The following TUT4 variants were observed in gnomAD, a reference collection of about 807,000 sequenced individuals.
TUT4 encodes the protein terminal uridylyl transferase 4.
Under a neutral mutation model 192.2 loss-of-function variants are expected in TUT4, and 36 were observed. The observed-to-expected ratio is 0.19, with a 90% CI of 0.14 to 0.25. TUT4 has a LOEUF of 0.25. Among genes scored for constraint, TUT4 ranks in the 10% least tolerant of loss-of-function variants. The probability of loss-of-function intolerance (pLI) is 1.00; values close to 1 mark genes in which losing one functional copy is unlikely to be tolerated. For synonymous variants in TUT4, 618 were observed against 666.0 expected (o/e 0.93, Z 1.11); for missense variants, 1,493 against 1,957.2 (o/e 0.76, Z 4.47).
intron 3 of TUT4, among the ~76,000 whole-genome samples, chr1:52,514,063 T>C (rs1678013824): frequency 6.6e-6 from 1 of 152,200 alleles, no homozygotes; most frequent in East Asian, 1.9e-4. Context: ...GTTCCAGTGA[T>C]AGAGATTTAT....
chr1:52,516,067 GC>G lies in TUT4; in HGVS notation c.719-14del. 1 of 1,608,584 alleles carries G rather than the reference GC, an allele frequency of 6.2e-7. No homozygotes were observed. The highest frequency in any genetic ancestry group is 8.5e-7 in the Non-Finnish European group (1 of 1,176,336). On this transcript the variant is annotated splice_polypyrimidine_tract_variant and intron_variant, in intron 2 of 29. Coordinates refer to ENST00000257177, the MANE Select transcript of TUT4 (RefSeq NM_001009881.3). ...TTCTTCATTTTACCTAGAAAAGAAA[GC>G]AATCACTCAGTTATCATCAGAACTG...
rs765694523 is a variant in TUT4, at chr1:52,526,123, T to C, written c.158A>G (p.Asn53Ser). ...KEIENSSPNR[N>S]SSKKNKQNDI... ...ATTTTGCTTATTTTTTTTACTACTATTCCTATTTGGAGAGCTGTTCTCAAT... is the reference window on the plus strand; with the variant it reads ...ATTTTGCTTATTTTTTTTACTACTACTCCTATTTGGAGAGCTGTTCTCAAT... The change falls in exon 2 of 30, where the codon AAT (asparagine) becomes AGT (serine). Residue 53 changes from asparagine (N) to serine (S), a missense_variant. Physicochemically the swap from Asn to Ser is conservative, Grantham distance 46. Around this residue, in one of 7 missense-constraint regions of TUT4, gnomAD observed 260 missense variants for 247.8 expected, o/e 1.05. Transcript: ENST00000257177. 3 of 1,610,834 alleles carry C rather than the reference T, an allele frequency of 1.9e-6. No individual in the cohort carries two copies. The highest frequency in any genetic ancestry group is 2.2e-5 in the East Asian group (1 of 44,874).
In TUT4 at chr1:52,509,758, G is replaced by A. The variant is rs200981951; in HGVS notation, c.883-46C>T. 19 of 1,090,966 alleles carry A rather than the reference G, an allele frequency of 1.7e-5. No individual in the cohort carries two copies. In the Admixed American group the frequency reaches 2.2e-4, roughly 13 times the overall value. The allele number at this position is 1,090,966 out of a possible 1,614,324, so 67.6% of individuals were successfully genotyped here. A position where few individuals can be genotyped will look rare whatever the true frequency, so the allele number is the denominator to read the frequency against. ...AATGCACTTTATTCAGAAAACAGAG[G>A]AGTAAACTATTGACTATATAAGTGA... On this transcript the variant is annotated intron_variant, in intron 3 of 29. Coordinates refer to ENST00000257177, the MANE Select transcript of TUT4 (RefSeq NM_001009881.3).
In TUT4 at chr1:52,509,688, G is replaced by A. The variant is rs138715096; in HGVS notation, c.907C>T (p.Arg303Trp). 34 of 1,609,544 alleles carry A rather than the reference G, an allele frequency of 2.1e-5. No individual in the cohort carries two copies. The highest frequency in any genetic ancestry group is 5.3e-5 in the African/African-American group (4 of 74,768). ...EKRSPEYTNC[R>W]YLCKLCLIHI... is the part of the protein sequence containing the mutation. ...ATTAAGCAAAGTTTGCATAGATACC[G>A]ACAATTGGTATATTCTGGTGATCGC... Residue 303 changes from arginine to tryptophan, a missense_variant, in exon 4 of 30, where the codon CGG becomes TGG. Arg to Trp is a moderately radical substitution (Grantham distance 101). Transcript: ENST00000257177.
At chr1:52,458,837 TAAG>T (rs2148659698) in intron 19 of TUT4, among the ~76,000 whole-genome samples, 1 of 152,324 alleles carries the variant, frequency 6.6e-6, no homozygotes, top group South Asian at 2.1e-4. Context: ...AATCCTATTC[TAAG>T]AATGTACCCT....
rs541428395 is a variant in TUT4 at position 52,500,998 on chromosome 1, T to C, written c.1000-3815A>G. On this transcript the variant is annotated intron_variant, in intron 4 of 29. Coordinates refer to ENST00000257177, the MANE Select transcript of TUT4 (RefSeq NM_001009881.3). ...ACCGTAACTAAGAAATGTAAAATCA[T>C]AGAACTCCTAGAAAAAAACAGAAGG... Among the ~76,000 whole-genome samples the C allele has an allele frequency of 4.6e-5, 7 of 152,218 alleles. No individual in the cohort carries two copies. The East Asian group carries it at 1.2e-3, about 25-fold the overall frequency.
intron 1 of TUT4, among the ~76,000 whole-genome samples, chr1:52,548,628 C>T (rs1688665701): frequency 6.6e-6 from 1 of 152,172 alleles, no homozygotes; most frequent in South Asian, 2.1e-4. Context: ...GTTTTGAAGA[C>T]TAAGTTAACA....
intron 4 of TUT4, among the ~76,000 whole-genome samples, chr1:52,497,493 G>A (rs1453970636): frequency 1.3e-5 from 2 of 152,188 alleles, no homozygotes; most frequent in South Asian, 2.1e-4. Context: ...CTAACTTGAC[G>A]ATTTTGTTGC....
In TUT4 at chr1:52,431,634, C is replaced by T. The variant is rs1652100341; in HGVS notation, c.4264-174G>A. On this transcript the variant is annotated intron_variant, in intron 27 of 29. Coordinates refer to ENST00000257177, the MANE Select transcript of TUT4 (RefSeq NM_001009881.3). ...AACCCCCTTTTCAAGTAGGTATTGC[C>T]TCACAAATCGTTTTATTGTCCAAAG... 6 of 467,554 alleles carry T rather than the reference C, an allele frequency of 1.3e-5. No individual in the cohort carries two copies. In the South Asian group the frequency reaches 3.5e-4, roughly 27 times the overall value. The allele number at this position is 467,554 out of a possible 1,614,324, so 29.0% of individuals were successfully genotyped here.
chr1:52,440,090 G>A (rs1006014236), intron 24 of TUT4, among the ~76,000 whole-genome samples: 1 of 152,188 alleles, frequency 6.6e-6, no homozygotes, highest in Non-Finnish European at 1.5e-5. Context: ...GAGACAAAAA[G>A]TGGATTAGTG....
At chr1:52,492,505 T>G (rs1671429519) in intron 7 of TUT4, among the ~76,000 whole-genome samples, 1 of 152,026 alleles carries the variant, frequency 6.6e-6, no homozygotes, top group South Asian at 2.1e-4. Context: ...TTACAACAAC[T>G]TTCTCATCAA....
In TUT4 at chr1:52,495,463, A is replaced by G; in HGVS notation, c.1230T>C (p.Ser410=). Reference sequence around the variant, plus strand: ...ATTTTATATCTATATTAACATCACTACTTTTCAGAGCAAATCTAGTCAGAG... The same window carrying G: ...ATTTTATATCTATATTAACATCACTGCTTTTCAGAGCAAATCTAGTCAGAG... The part of the protein sequence containing the change: ...GSSLTRFALK[S]SDVNIDIKFP... Residue 410 remains serine (S), a synonymous_variant, in exon 6 of 30, where the codon AGT becomes AGC. Coordinates refer to ENST00000257177, the MANE Select transcript of TUT4 (RefSeq NM_001009881.3). 6.2e-7 allele frequency: 1 copy of G among 1,611,408 alleles called. No individual in the cohort carries two copies. The highest frequency in any genetic ancestry group is 8.5e-7 in the Non-Finnish European group (1 of 1,178,440).
intron 1 of TUT4, among the ~76,000 whole-genome samples, chr1:52,536,679 C>A (rs754716786): frequency 4.3e-4 from 65 of 151,366 alleles, no homozygotes; most frequent in Non-Finnish European, 7.2e-4. Flanking sequence ...ATGGTGAAAC[C>A]CTGTCTCTAC....
At chr1:52,547,951 ACT>A (rs1688502243) in intron 1 of TUT4, among the ~76,000 whole-genome samples, 1 of 152,186 alleles carries the variant, frequency 6.6e-6, no homozygotes, top group Non-Finnish European at 1.5e-5. Context: ...TTATAAATAT[ACT>A]AAAAGCCACT....
intron 1 of TUT4, among the ~76,000 whole-genome samples, chr1:52,547,700 G>A (rs879306363): frequency 6.6e-6 from 1 of 152,142 alleles, no homozygotes; most frequent in Non-Finnish European, 1.5e-5. Context: ...CCAGAAAAAA[G>A]CTAAAACATG....
chr1:52,433,672 A>G (rs1318887080), intron 27 of TUT4: 1 of 152,210 alleles, frequency 6.6e-6, no homozygotes, highest in Non-Finnish European at 1.5e-5. Context: ...TGGTTAGAGC[A>G]TAAGTTTTGC....
At chr1:52,505,428 T>TTC (rs1675268353) in intron 4 of TUT4, among the ~76,000 whole-genome samples, 2 of 149,124 alleles carry the variant, frequency 1.3e-5, no homozygotes, top group South Asian at 4.3e-4. Context: ...CTTTTTTTTT[T>TTC]TTTTTTTTTT....
At chr1:52,484,277 TA>T (rs946278823) in intron 9 of TUT4, among the ~76,000 whole-genome samples, 1 of 152,040 alleles carries the variant, frequency 6.6e-6, no homozygotes, top group Non-Finnish European at 1.5e-5. Flanking sequence ...AAATACAAAT[TA>T]AAAAATACAG....
chr1:52,455,390 T>C (rs979251556), intron 20 of TUT4, among the ~76,000 whole-genome samples: 23 of 152,030 alleles, frequency 1.5e-4, no homozygotes, highest in South Asian at 1.0e-3. Context: ...CGAGGTGGGC[T>C]TGAGCCCAGG....
Sources: gnomAD v4.1 joint callset for allele counts (sites outside exome capture counted in the v4.1 genomes callset) on GRCh38, gnomAD v4.1.1 for gene constraint, gnomAD v4.1.1 regional missense constraint, MANE v1.5 for transcripts, NCBI Gene and HGNC (gene_info 2026-07-23, HGNC 2026-07-21) for gene names.